Variants in CPLX1 observed in about 807,000 individuals in gnomAD.
CPLX1 encodes the protein complexin 1.
Under a neutral mutation model 15.6 loss-of-function variants are expected in CPLX1, and 6 were observed. The observed-to-expected ratio is 0.39, with a 90% CI of 0.21 to 0.76. The LOEUF (loss-of-function observed/expected upper bound fraction) is 0.76. Ranked by LOEUF, CPLX1 falls within the 30% of genes least tolerant of loss-of-function variation. The probability of loss-of-function intolerance (pLI) is 0.43; values close to 1 mark genes in which losing one functional copy is unlikely to be tolerated. For missense variants in CPLX1, 242 were observed against 188.6 expected, an observed-to-expected ratio of 1.28 and a Z score of -1.66; for synonymous variants, 91 against 75.2, an observed-to-expected ratio of 1.21 and a Z score of -1.08.
At chr4:819,443 TGA>T (rs1746819300) in intron 2 of CPLX1, among the ~76,000 whole-genome samples, 1 of 152,274 alleles carries the variant, frequency 6.6e-6, no homozygotes, top group African/African-American at 2.4e-5. Context: ...GCAAAGTGAG[TGA>T]GTGCTTTCTC....
intron 2 of CPLX1, among the ~76,000 whole-genome samples, chr4:816,975 T>C (rs1375520820): frequency 6.6e-6 from 1 of 152,170 alleles, no homozygotes; most frequent in Admixed American, 6.5e-5. Context: ...AGCACGCACA[T>C]TCCAAAGCAC....
intron 2 of CPLX1, among the ~76,000 whole-genome samples, chr4:801,075 G>T (rs539215194): frequency 1.6e-4 from 25 of 151,866 alleles, no homozygotes; most frequent in Admixed American, 1.3e-3. Flanking sequence ...AGCACTTTGG[G>T]AAGTCGAGGC....
At chr4:811,707 C>T (rs1560244883) in intron 2 of CPLX1, among the ~76,000 whole-genome samples, 1 of 152,198 alleles carries the variant, frequency 6.6e-6, no homozygotes, top group Non-Finnish European at 1.5e-5. Context: ...TGTTGCTGCT[C>T]AGAGCGTCTG....
At chr4:821,342 C>T (rs1746859067) in intron 2 of CPLX1, among the ~76,000 whole-genome samples, 1 of 152,094 alleles carries the variant, frequency 6.6e-6, no homozygotes, top group Non-Finnish European at 1.5e-5. Flanking sequence ...CCTGAGTGTC[C>T]GGCTGCCTCC....
chr4:818,396 A>T (rs1377011213), intron 2 of CPLX1, among the ~76,000 whole-genome samples: 1 of 152,250 alleles, frequency 6.6e-6, no homozygotes, highest in Non-Finnish European at 1.5e-5. Context: ...AGAGGCTGAC[A>T]TGGTGGCCTC....
chr4:818,036 G>T (rs1746793888), intron 2 of CPLX1, among the ~76,000 whole-genome samples: 1 of 152,238 alleles, frequency 6.6e-6, no homozygotes, highest in Admixed American at 6.5e-5. Flanking sequence ...AAGGTCAGAA[G>T]AATGACCACA....
intron 2 of CPLX1, among the ~76,000 whole-genome samples, chr4:793,514 T>C (rs1467934865): frequency 6.6e-6 from 1 of 152,220 alleles, no homozygotes; most frequent in Non-Finnish European, 1.5e-5. Flanking sequence ...CAGCAGGCAC[T>C]GCGGGGAGCC....
intron 2 of CPLX1, among the ~76,000 whole-genome samples, chr4:799,510 C>A (rs1322454644): frequency 2.0e-5 from 3 of 152,210 alleles, no homozygotes; most frequent in Non-Finnish European, 4.4e-5. Context: ...AGCTCCTATC[C>A]TTGGGACCCT....
At chr4:787,889 T>C (rs1193235047) in intron 3 of CPLX1, 1 of 985,278 alleles carries the variant, frequency 1.0e-6, no homozygotes, top group Non-Finnish European at 1.2e-6. Flanking sequence ...GGGGTTGGGC[T>C]GGCCTGGAAG....
rs1466422079 is a variant in CPLX1 at position 786,369 on chromosome 4, C to T, written c.*132G>A. 23 of 1,000,194 alleles carry T rather than the reference C, an allele frequency of 2.3e-5. No individual in the cohort carries two copies. Among genetic ancestry groups the T allele is most frequent in the Admixed American group, 3.7e-5 (1 of 26,962 alleles). 62.0% of individuals were successfully genotyped at this position (1,000,194 alleles called of 1,614,324 possible). A position where few individuals can be genotyped will look rare whatever the true frequency, so the allele number is the denominator to read the frequency against. On this transcript the variant is annotated 3_prime_UTR_variant, in exon 4 of 4. Transcript: ENST00000304062. ...TGCCGGGTGAGGGAGGCGGCGGGCG[C>T]GGGCAGGGCGGGCCTGGGGCTATGG...
intron 3 of CPLX1, among the ~76,000 whole-genome samples, chr4:788,846 A>G (rs1746081257): frequency 6.6e-6 from 1 of 152,148 alleles, no homozygotes; most frequent in Non-Finnish European, 1.5e-5. Context: ...TGCCCACAGC[A>G]AAAGCACTCA....
Position 815,113 on chromosome 4 carries a change from G to C in CPLX1, c.31+9379C>G, listed in dbSNP as rs527671659. On this transcript the variant is annotated intron_variant, in intron 2 of 3. Transcript: ENST00000304062. ...AATTAAAAATTCAGTTGAAGTGTTAGAAGATAAAAATAAGGGGTCAGGCGT... is the reference window on the plus strand; with the variant it reads ...AATTAAAAATTCAGTTGAAGTGTTACAAGATAAAAATAAGGGGTCAGGCGT... 9.2e-5 allele frequency among the ~76,000 whole-genome samples: 14 copies of C among 152,284 alleles called. No individual in the cohort carries two copies. In the East Asian group the frequency reaches 2.5e-3, roughly 27 times the overall value.
chr4:786,537 G>A lies in CPLX1; in HGVS notation c.369C>T (p.Tyr123=). The change falls in exon 4 of 4, where the codon TAC becomes TAT. Residue 123 remains tyrosine, a synonymous_variant. Transcript: ENST00000304062. The stretch of plus-strand genomic sequence containing the variant: ...GCATGTCCTGCAGCGGCCCGGGCAG[G>A]TACTTGATGACGGTGTCCAGGATGC... ...DESILDTVIK[Y]LPGPLQDMLK... The A allele has an allele frequency of 1.2e-6, 2 of 1,605,906 alleles. No homozygotes were observed. The highest frequency in any genetic ancestry group is 1.1e-5 in the South Asian group (1 of 89,784).
chr4:795,392 C>T (rs1463941841), intron 2 of CPLX1, among the ~76,000 whole-genome samples: 3 of 149,262 alleles, frequency 2.0e-5, no homozygotes, highest in Non-Finnish European at 2.9e-5. Context: ...GCATGAGCTG[C>T]ATCCCGCATC....
At chr4:805,408 C>T (rs1009800599) in intron 2 of CPLX1, among the ~76,000 whole-genome samples, 4 of 152,156 alleles carry the variant, frequency 2.6e-5, no homozygotes, top group African/African-American at 7.2e-5. Flanking sequence ...AATGAGATAC[C>T]GGCTCACACC....
intron 1 of CPLX1, among the ~76,000 whole-genome samples, chr4:825,611 G>A (rs1000338043): frequency 1.3e-5 from 2 of 151,938 alleles, no homozygotes; most frequent in East Asian, 1.9e-4. Flanking sequence ...AGGAAAGAAA[G>A]AGGGCGAGGG....
At chr4:805,202 C>A (rs929911610) in intron 2 of CPLX1, among the ~76,000 whole-genome samples, 4 of 152,314 alleles carry the variant, frequency 2.6e-5, no homozygotes, top group African/African-American at 4.8e-5. Flanking sequence ...CGCCGCAGAG[C>A]CCATGTTTGG....
At chr4:817,052 C>T (rs1050983403) in intron 2 of CPLX1, among the ~76,000 whole-genome samples, 29 of 151,962 alleles carry the variant, frequency 1.9e-4, no homozygotes, top group African/African-American at 2.2e-4. Flanking sequence ...AGCAAGAAAG[C>T]GTTTAAAAAG....
chr4:823,119 G>A (rs1428656398), intron 2 of CPLX1, among the ~76,000 whole-genome samples: 1 of 152,194 alleles, frequency 6.6e-6, no homozygotes, highest in Admixed American at 6.5e-5. Flanking sequence ...CCACCTCAGG[G>A]CCTGAATTAG....
Sources: allele counts gnomAD v4.1 joint callset (sites outside exome capture counted in the v4.1 genomes callset), GRCh38; gene constraint gnomAD v4.1.1; transcripts MANE v1.5; gene names NCBI Gene and HGNC (gene_info 2026-07-23, HGNC 2026-07-21).